RMND5A: variants seen among roughly 807,000 people sequenced by gnomAD.
RMND5A encodes E3 ubiquitin-protein transferase RMND5A.
RMND5A carries 17 observed loss-of-function variants against 49.7 expected under a neutral mutation model. The observed-to-expected ratio is 0.34, with a 90% confidence interval of 0.23 to 0.51. The LOEUF (loss-of-function observed/expected upper bound fraction) is 0.51, where lower values mean the gene tolerates loss of function less well. RMND5A is among the 20% of genes least tolerant of loss of function. The probability of loss-of-function intolerance (pLI) is 0.96; values close to 1 mark genes in which losing one functional copy is unlikely to be tolerated. For missense variants in RMND5A, 255 were observed against 471.3 expected, an observed-to-expected ratio of 0.54 and a Z score of 4.25; for synonymous variants, 156 against 167.7, an observed-to-expected ratio of 0.93 and a Z score of 0.54.
intron 2 of RMND5A, among the ~76,000 whole-genome samples, chr2:86,748,020 A>G (rs1053680430): frequency 6.6e-6 from 1 of 152,192 alleles, no homozygotes; most frequent in Non-Finnish European, 1.5e-5. Flanking sequence ...AGGATGCCAA[A>G]GCTTTTCTTT....
intron 1 of RMND5A, 64 bp downstream of exon 1, chr2:86,720,873 C>T: frequency 2.1e-6 from 3 of 1,443,254 alleles, no homozygotes; most frequent in Admixed American, 2.4e-5. Context: ...CCCGGCCCCG[C>T]GGCGGGAATC....
chr2:86,773,515 T>G lies in RMND5A; in HGVS notation c.*104T>G, dbSNP rs1672716084. On this transcript the variant is annotated 3_prime_UTR_variant, in exon 9 of 9. Coordinates refer to ENST00000283632, the MANE Select transcript of RMND5A (RefSeq NM_022780.4). ...AGCTAACCAAGGACTCCTGTGTTTC[T>G]ATAAGCTAATGCTCCAGAAACTTTG... 9.7e-6 allele frequency: 7 copies of G among 723,408 alleles called. No individual in the cohort carries two copies. The South Asian group carries it at 1.2e-4, about 12-fold the overall frequency. 44.8% of individuals were successfully genotyped at this position (723,408 alleles called of 1,614,324 possible).
rs773557858 is a variant in RMND5A at position 86,777,279 on chromosome 2, T to C, written c.*3868T>C. On this transcript the variant is annotated 3_prime_UTR_variant, in exon 9 of 9. Transcript: ENST00000283632. ...TGAGGACCTACATACACTCTTACTT[T>C]AGCAGTCACTTAACCTTCTCCAGCA... 1 of 152,340 alleles carries C rather than the reference T, an allele frequency of 6.6e-6. No homozygotes were observed. 9.4% of individuals were successfully genotyped at this position (152,340 alleles called of 1,614,324 possible).
At chr2:86,747,047 A>G (rs1177427749) in intron 2 of RMND5A, among the ~76,000 whole-genome samples, 2 of 152,224 alleles carry the variant, frequency 1.3e-5, no homozygotes, top group Non-Finnish European at 2.9e-5. Context: ...GGATTATTTC[A>G]TCATAGGACA....
rs1380443050 is a variant in RMND5A at position 86,765,845 on chromosome 2, G to C, written c.689-14G>C. The C allele has an allele frequency of 1.2e-6, 2 of 1,611,720 alleles. No individual in the cohort carries two copies. ...GCAAGCAAACTAATGCTTTCTTGCT[G>C]GTGCTTTTTTTAGACATTCAGGTTT... On this transcript the variant is annotated splice_polypyrimidine_tract_variant and intron_variant, in intron 5 of 8. Coordinates refer to ENST00000283632, the MANE Select transcript of RMND5A (RefSeq NM_022780.4).
At chr2:86,743,847 A>G (rs1558720597) in intron 2 of RMND5A, among the ~76,000 whole-genome samples, 1 of 151,712 alleles carries the variant, frequency 6.6e-6, no homozygotes, top group Non-Finnish European at 1.5e-5. Context: ...AAAATTAGGC[A>G]CATTCCTCTA....
chr2:86,743,884 A>G (rs1431767490), intron 2 of RMND5A, among the ~76,000 whole-genome samples: 1 of 150,990 alleles, frequency 6.6e-6, no homozygotes, highest in Non-Finnish European at 1.5e-5. Context: ...AGGCTGAGGG[A>G]GGAGAATCGC....
At chr2:86,762,410 C>T (rs961012289) in intron 4 of RMND5A, among the ~76,000 whole-genome samples, 7 of 151,996 alleles carry the variant, frequency 4.6e-5, no homozygotes, top group African/African-American at 1.5e-4. Flanking sequence ...TTTGGGAGGC[C>T]AAGGTGGGTG....
chr2:86,732,663 A>G (rs1253775066), intron 1 of RMND5A, among the ~76,000 whole-genome samples: 2 of 149,900 alleles, frequency 1.3e-5, no homozygotes, highest in Non-Finnish European at 2.9e-5. Context: ...CTGACTTAGA[A>G]TATACTTTTA....
At chr2:86,772,137 A>G (rs1374457071) in intron 8 of RMND5A, among the ~76,000 whole-genome samples, 2 of 152,158 alleles carry the variant, frequency 1.3e-5, no homozygotes, top group African/African-American at 4.8e-5. Flanking sequence ...CTATTGATGA[A>G]CATTTGTTTC....
At chr2:86,758,595 CAT>C (rs1426545178) in intron 4 of RMND5A, among the ~76,000 whole-genome samples, 6 of 152,088 alleles carry the variant, frequency 3.9e-5, no homozygotes, top group Non-Finnish European at 7.4e-5. Context: ...CTGAGAACCT[CAT>C]GTAAAAGGGT....
At chr2:86,769,858 C>T (rs1249186009) in intron 6 of RMND5A, among the ~76,000 whole-genome samples, 165 bp from the exon 7 acceptor site, 2 of 152,162 alleles carry the variant, frequency 1.3e-5, no homozygotes, top group Non-Finnish European at 2.9e-5. Context: ...AGTTATTTCT[C>T]TTCTAGTGGA....
At chr2:86,732,748 CTG>C in intron 1 of RMND5A, among the ~76,000 whole-genome samples, 1 of 137,598 alleles carries the variant, frequency 7.3e-6, no homozygotes, top group Non-Finnish European at 1.5e-5. Flanking sequence ...AAAAAAGAAA[CTG>C]TCTCAAAAGT....
chr2:86,759,669 G>A (rs1242754380), intron 4 of RMND5A, among the ~76,000 whole-genome samples: 1 of 148,196 alleles, frequency 6.7e-6, no homozygotes, highest in African/African-American at 2.5e-5. Flanking sequence ...GCGCGGTGGT[G>A]AGCACCTGTA....
intron 2 of RMND5A, among the ~76,000 whole-genome samples, chr2:86,749,659 G>T (rs1200676104): frequency 6.6e-6 from 1 of 151,946 alleles, no homozygotes; most frequent in Non-Finnish European, 1.5e-5. Context: ...CAAAGTGCTG[G>T]GATTACAGGA....
intron 2 of RMND5A, among the ~76,000 whole-genome samples, chr2:86,743,329 C>T (rs1250821798): frequency 2.0e-5 from 3 of 150,936 alleles, no homozygotes; most frequent in Admixed American, 2.0e-4. Flanking sequence ...GATTCCTAAT[C>T]ACATATTTTA....
Position 86,777,281 on chromosome 2 carries a change from G to A in RMND5A, c.*3870G>A, listed in dbSNP as rs1672786007. On this transcript the variant is annotated 3_prime_UTR_variant, in exon 9 of 9. Transcript: ENST00000283632. ...AGGACCTACATACACTCTTACTTTA[G>A]CAGTCACTTAACCTTCTCCAGCAAG... 6.6e-6 allele frequency: 1 copy of A among 152,210 alleles called. No homozygotes were observed. Among genetic ancestry groups the A allele is most frequent in the Admixed American group, 6.5e-5 (1 of 15,282 alleles). The allele number at this position is 152,210 out of a possible 1,614,324, so 9.4% of individuals were successfully genotyped here.
intron 4 of RMND5A, among the ~76,000 whole-genome samples, chr2:86,754,000 T>C (rs73947253): frequency 0.05 from 7,613 of 152,324 alleles, 579 homozygotes; most frequent in African/African-American, 0.16. Context: ...ATAAAGCTAC[T>C]CTATTCTTAA....
intron 8 of RMND5A, 61 bp downstream of exon 8, chr2:86,771,773 G>A: frequency 7.3e-7 from 1 of 1,371,446 alleles, no homozygotes; most frequent in Non-Finnish European, 1.0e-6. Context: ...CTTGGTAGGA[G>A]GATAAGAAGT....
Sources: gnomAD v4.1 joint callset for allele counts (sites outside exome capture counted in the v4.1 genomes callset) on GRCh38, gnomAD v4.1.1 for gene constraint, MANE v1.5 for transcripts, NCBI Gene and HGNC (gene_info 2026-07-23, HGNC 2026-07-21) for gene names.